Variants in TP63 observed in about 807,000 individuals in gnomAD.
TP63 encodes tumor protein 63.
In TP63, 17 loss-of-function variants were observed where a neutral mutation model predicts 82.8. The observed-to-expected ratio is 0.21, with a 90% CI of 0.14 to 0.31. The LOEUF (loss-of-function observed/expected upper bound fraction) is 0.31, where lower values mean the gene tolerates loss of function less well. Among genes scored for constraint, TP63 ranks in the 10% least tolerant of loss-of-function variants. The pLI, the probability that TP63 is intolerant of heterozygous loss-of-function variation, is 1.00. For missense variants in TP63, 648 were observed against 895.3 expected (o/e 0.72, Z 3.52); for synonymous variants, 330 against 321.7 (o/e 1.03, Z -0.28).
At chr3:189,732,763 T>A (rs1720266490) in intron 1 of TP63, among the ~76,000 whole-genome samples, 1 of 152,154 alleles carries the variant, frequency 6.6e-6, no homozygotes, top group Admixed American at 6.5e-5. Flanking sequence ...TCTTCAACTC[T>A]ATCCTCAAGG....
chr3:189,723,616 G>T (rs992850602), intron 1 of TP63, among the ~76,000 whole-genome samples: 12 of 152,242 alleles, frequency 7.9e-5, no homozygotes, highest in Admixed American at 4.6e-4. Flanking sequence ...CTAAAATTTG[G>T]TTTTTCTCTC....
intron 1 of TP63, among the ~76,000 whole-genome samples, chr3:189,686,656 G>A (rs1044931620): frequency 1.4e-5 from 2 of 146,974 alleles, no homozygotes; most frequent in African/African-American, 5.0e-5. Context: ...TTACAAACTT[G>A]CCAGATAAGG....
intron 4 of TP63, among the ~76,000 whole-genome samples, chr3:189,847,381 C>A (rs553602585): frequency 2.7e-4 from 41 of 152,236 alleles, no homozygotes; most frequent in African/African-American, 9.1e-4. Flanking sequence ...TAATCATCAT[C>A]ATCATCATCA....
chr3:189,694,326 T>A (rs1480428100), intron 1 of TP63, among the ~76,000 whole-genome samples: 2 of 152,192 alleles, frequency 1.3e-5, no homozygotes, highest in Non-Finnish European at 2.9e-5. Flanking sequence ...AGTGATACAT[T>A]ATTTTTAACT....
intron 4 of TP63, among the ~76,000 whole-genome samples, chr3:189,817,369 A>G (rs900309438): frequency 4.6e-5 from 7 of 152,154 alleles, no homozygotes; most frequent in African/African-American, 1.7e-4. Flanking sequence ...GTGACTCATT[A>G]AGTAGAATAC....
intron 3 of TP63, among the ~76,000 whole-genome samples, chr3:189,756,057 A>G (rs796661709): frequency 5.9e-5 from 9 of 152,292 alleles, no homozygotes; most frequent in African/African-American, 2.2e-4. Context: ...GACAAAGTCT[A>G]TTTCGAGACT....
intron 1 of TP63, among the ~76,000 whole-genome samples, chr3:189,657,920 C>A (rs1381952103): frequency 6.6e-6 from 1 of 152,042 alleles, no homozygotes; most frequent in East Asian, 1.9e-4. Flanking sequence ...GCAAGGACAC[C>A]TAAGTAGTTA....
In TP63 at chr3:189,895,966, G is replaced by A. The variant is rs571277874; in HGVS notation, c.*1464G>A. On this transcript the variant is annotated 3_prime_UTR_variant, in exon 14 of 14. Transcript: ENST00000264731. ...TAGGGACTACCCATAGACATGAAAG[G>A]TCCCCACAGAGCAAGAGATAAGTCT... The A allele has an allele frequency of 8.7e-6, 2 of 229,434 alleles. No homozygotes were observed. The highest frequency in any genetic ancestry group is 1.7e-5 in the Non-Finnish European group (2 of 115,708). The allele number at this position is 229,434 out of a possible 1,614,324, so 14.2% of individuals were successfully genotyped here. A position where few individuals can be genotyped will look rare whatever the true frequency, so the allele number is the denominator to read the frequency against.
Position 189,866,815 on chromosome 3 carries a change from A to G in TP63, c.882+18A>G, listed in dbSNP as rs748185284. The G allele has an allele frequency of 1.6e-5, 25 of 1,607,400 alleles. No individual in the cohort carries two copies. The Admixed American group carries it at 3.7e-4, about 24-fold the overall frequency. On this transcript the variant is annotated intron_variant, in intron 6 of 13. Transcript: ENST00000264731. ...CACCCCAGGTAAAAAGCAAAAAACC[A>G]AACCAAAAAACAACACCTCTATGGA...
chr3:189,832,218 TG>T (rs1712473998), intron 4 of TP63, among the ~76,000 whole-genome samples: 1 of 152,130 alleles, frequency 6.6e-6, no homozygotes, highest in Admixed American at 6.6e-5. Flanking sequence ...TCTAAATGAC[TG>T]GCAAATGGAA....
At chr3:189,708,745 G>A (rs187865981) in intron 1 of TP63, among the ~76,000 whole-genome samples, 19 of 152,206 alleles carry the variant, frequency 1.2e-4, no homozygotes, top group East Asian at 7.7e-4. Flanking sequence ...TATTCTACTA[G>A]AATCTATAAT....
intron 3 of TP63, among the ~76,000 whole-genome samples, chr3:189,762,780 G>A (rs958504081): frequency 5.9e-5 from 9 of 152,158 alleles, no homozygotes; most frequent in African/African-American, 1.2e-4. Flanking sequence ...GGAGTGCAGT[G>A]TTTAAAAGAG....
chr3:189,610,754 T>C, the TP63 span, among the ~76,000 whole-genome samples: 1 of 152,316 alleles, frequency 6.6e-6, no homozygotes, highest in South Asian at 2.1e-4. Flanking sequence ...ACCAATTTAC[T>C]GTTTTAATCC....
chr3:189,682,546 AAAAAAAAATATAT>A (rs1446101914), intron 1 of TP63, among the ~76,000 whole-genome samples: 16 of 37,778 alleles, frequency 4.2e-4, no homozygotes, highest in South Asian at 1.3e-3. Flanking sequence ...GAAAAAAAAA[AAAAAAAAATATAT>A]ATATATATAT....
chr3:189,783,556 A>G (rs1433475392), intron 3 of TP63, among the ~76,000 whole-genome samples: 1 of 151,926 alleles, frequency 6.6e-6, no homozygotes, highest in Non-Finnish European at 1.5e-5. Context: ...TTTAATGTAT[A>G]TAATACTAAA....
At position 189,838,784 on chromosome 3, in the gene TP63, C is replaced by T. The variant is rs564381268; in HGVS notation, c.580-25448C>T. Reference sequence around the variant, plus strand: ...TCTGATCTAATTGATTAAGTTACACCTTTCCTTTTTGGCAGTATCTTAATA... The same window carrying T: ...TCTGATCTAATTGATTAAGTTACACTTTTCCTTTTTGGCAGTATCTTAATA... On this transcript the variant is annotated intron_variant, in intron 4 of 13. Coordinates refer to ENST00000264731, the MANE Select transcript of TP63 (RefSeq NM_003722.5). 3.3e-5 allele frequency among the ~76,000 whole-genome samples: 5 copies of T among 152,152 alleles called. No homozygotes were observed. The East Asian group carries it at 9.7e-4, about 29-fold the overall frequency.
At chr3:189,766,470 A>G (rs1028579638) in intron 3 of TP63, among the ~76,000 whole-genome samples, 4 of 152,018 alleles carry the variant, frequency 2.6e-5, no homozygotes, top group African/African-American at 9.7e-5. Flanking sequence ...ACTAATAAAG[A>G]CCAGTCATAA....
intron 3 of TP63, among the ~76,000 whole-genome samples, chr3:189,752,724 G>A (rs9830502): frequency 0.072 from 10,854 of 151,256 alleles, 587 homozygotes; most frequent in African/African-American, 0.15. Flanking sequence ...CTTCTTTTTC[G>A]AGTTTTTTAA....
At chr3:189,766,639 C>G (rs1722980350) in intron 3 of TP63, among the ~76,000 whole-genome samples, 1 of 152,140 alleles carries the variant, frequency 6.6e-6, no homozygotes, top group Non-Finnish European at 1.5e-5. Flanking sequence ...ATTGGAATGT[C>G]TTTTCTCCAG....
Sources: gnomAD v4.1 joint callset for allele counts (sites outside exome capture counted in the v4.1 genomes callset) on GRCh38, gnomAD v4.1.1 for gene constraint, MANE v1.5 for transcripts, NCBI Gene and HGNC (gene_info 2026-07-23, HGNC 2026-07-21) for gene names.